The following BTRC variants were observed in gnomAD, a reference collection of about 807,000 sequenced individuals.
BTRC encodes the protein F-box/WD repeat-containing protein 1A.
BTRC carries 42 observed loss-of-function variants against 85.5 expected under a neutral mutation model. The observed-to-expected ratio is 0.49, with a 90% CI of 0.38 to 0.64. BTRC has a LOEUF of 0.64. BTRC is among the 30% of genes least tolerant of loss of function. BTRC has a pLI of 0.00. For synonymous variants in BTRC, 255 were observed against 263.3 expected (o/e 0.97, Z 0.30); for missense variants, 594 against 743.5 (o/e 0.80, Z 2.34).
At chr10:101,363,372 G>A (rs953488052) in intron 1 of BTRC, among the ~76,000 whole-genome samples, 1 of 152,154 alleles carries the variant, frequency 6.6e-6, no homozygotes, top group Non-Finnish European at 1.5e-5. Flanking sequence ...CTTAATATCT[G>A]TTAAGGCACA....
chr10:101,544,148 A>G (rs2134455310), intron 13 of BTRC, among the ~76,000 whole-genome samples: 1 of 152,260 alleles, frequency 6.6e-6, no homozygotes, highest in Non-Finnish European at 1.5e-5. Flanking sequence ...TGACCTCGTG[A>G]TCCGCCCGCC....
chr10:101,417,788 T>C (rs1339360420), intron 1 of BTRC, among the ~76,000 whole-genome samples: 1 of 152,118 alleles, frequency 6.6e-6, no homozygotes, highest in Non-Finnish European at 1.5e-5. Context: ...ATCTTCCTGC[T>C]CAGTCTCCCA....
At chr10:101,378,828 T>C (rs1942857968) in intron 1 of BTRC, among the ~76,000 whole-genome samples, 1 of 152,084 alleles carries the variant, frequency 6.6e-6, no homozygotes. Flanking sequence ...CAGTTATAAC[T>C]TGTTTCCATG....
intron 1 of BTRC, among the ~76,000 whole-genome samples, chr10:101,397,208 A>G (rs538305139): frequency 4.6e-5 from 7 of 152,238 alleles, no homozygotes; most frequent in Non-Finnish European, 7.3e-5. Context: ...CCTTAAGAAT[A>G]CAATCCTAAA....
chr10:101,454,722 C>T (rs920527634), intron 2 of BTRC, among the ~76,000 whole-genome samples: 2 of 152,132 alleles, frequency 1.3e-5, no homozygotes, highest in Admixed American at 1.3e-4. Flanking sequence ...TTGGAGGTTA[C>T]AAGGAGCTAT....
chr10:101,536,750 G>T, intron 12 of BTRC, 97 bp downstream of exon 12: 2 of 900,362 alleles, frequency 2.2e-6, no homozygotes, highest in Non-Finnish European at 3.4e-6. Flanking sequence ...GTTTCTAAAA[G>T]CTTATAGATT....
At chr10:101,509,570 T>C (rs1227948025) in intron 4 of BTRC, among the ~76,000 whole-genome samples, 3 of 148,850 alleles carry the variant, frequency 2.0e-5, no homozygotes, top group Admixed American at 6.7e-5. Context: ...TTTTTTTTTT[T>C]GAGACAAGGT....
chr10:101,465,493 G>C lies in BTRC; in HGVS notation c.234+3435G>C, dbSNP rs373359440. Among the ~76,000 whole-genome samples the C allele has an allele frequency of 3.3e-5, 5 of 152,054 alleles. No individual in the cohort carries two copies. In the East Asian group the frequency reaches 5.8e-4, roughly 18 times the overall value. On this transcript the variant is annotated intron_variant, in intron 3 of 14. Coordinates refer to ENST00000370187, the MANE Select transcript of BTRC (RefSeq NM_033637.4). Reference sequence around the variant, plus strand: ...CAACTTACCAAAACTCTTAACACAGGGTGAAGCAAAATTTGAATAGCCTGA... The same window carrying C: ...CAACTTACCAAAACTCTTAACACAGCGTGAAGCAAAATTTGAATAGCCTGA...
intron 4 of BTRC, among the ~76,000 whole-genome samples, chr10:101,509,880 G>C (rs1946654914): frequency 6.6e-6 from 1 of 151,622 alleles, no homozygotes; most frequent in Non-Finnish European, 1.5e-5. Context: ...TTTTAAAGAT[G>C]CTTTTGGCCG....
intron 4 of BTRC, among the ~76,000 whole-genome samples, chr10:101,492,037 A>G (rs950561854): frequency 1.6e-4 from 24 of 152,256 alleles, no homozygotes; most frequent in African/African-American, 5.8e-4. Context: ...TAAGGGTGGC[A>G]TAAATTTTTC....
intron 14 of BTRC, among the ~76,000 whole-genome samples, chr10:101,552,056 G>A (rs1010989067): frequency 3.3e-5 from 5 of 151,808 alleles, no homozygotes; most frequent in South Asian, 2.1e-4. Context: ...TTAGACTTCC[G>A]TGTTACTTTG....
chr10:101,457,317 T>A (rs1208423257), intron 2 of BTRC, among the ~76,000 whole-genome samples: 1 of 152,180 alleles, frequency 6.6e-6, no homozygotes, highest in Non-Finnish European at 1.5e-5. Context: ...CTTTAGGTGA[T>A]CCTGGATTAT....
intron 5 of BTRC, among the ~76,000 whole-genome samples, 166 bp from the exon 6 acceptor site, chr10:101,525,847 A>C (rs181286940): frequency 6.8e-4 from 104 of 152,122 alleles, no homozygotes; most frequent in Non-Finnish European, 1.3e-3. Flanking sequence ...AATTATTGAC[A>C]CTCATTTTAC....
chr10:101,385,051 A>G (rs911902102), intron 1 of BTRC, among the ~76,000 whole-genome samples: 5 of 152,082 alleles, frequency 3.3e-5, no homozygotes, highest in African/African-American at 1.2e-4. Context: ...AGCAAGACCC[A>G]TGTCTCTACA....
At chr10:101,498,953 A>G (rs1484508503) in intron 4 of BTRC, among the ~76,000 whole-genome samples, 1 of 151,966 alleles carries the variant, frequency 6.6e-6, no homozygotes, top group Non-Finnish European at 1.5e-5. Flanking sequence ...AGATCATGCC[A>G]TTGCACTCCA....
rs566677714 is a variant in BTRC, at chr10:101,363,616, G to A, written c.48+9388G>A. Reference sequence around the variant, plus strand: ...TGGGACTACAGGTGTGCACCACCACGCCCGGCTAAGTTTTGTATTTTTTAG... The same window carrying A: ...TGGGACTACAGGTGTGCACCACCACACCCGGCTAAGTTTTGTATTTTTTAG... On this transcript the variant is annotated intron_variant, in intron 1 of 14. Transcript: ENST00000370187. Among the ~76,000 whole-genome samples, 8 of 152,094 alleles carry A rather than the reference G, an allele frequency of 5.3e-5. No homozygotes were observed. In the South Asian group the frequency reaches 1.5e-3, roughly 28 times the overall value.
intron 4 of BTRC, among the ~76,000 whole-genome samples, chr10:101,519,039 C>T (rs2062063289): frequency 6.7e-6 from 1 of 148,160 alleles, no homozygotes; most frequent in South Asian, 2.1e-4. Flanking sequence ...ACTGAGTTCT[C>T]ATCTGGAAGC....
intron 4 of BTRC, among the ~76,000 whole-genome samples, chr10:101,499,299 C>T (rs932114509): frequency 2.6e-5 from 4 of 151,758 alleles, no homozygotes; most frequent in African/African-American, 9.7e-5. Flanking sequence ...TGCAGTGGTG[C>T]GATCTGGGCT....
Position 101,531,290 on chromosome 10 carries a change from CTT to C in BTRC, c.801_802del (p.Phe267LeufsTer2), listed in dbSNP as rs754367468. ...CCTGACGGGAATGCTCCTCCCAACT[CTT>C]TTTATAGAGCACTTTATCCTAAAAT... On this transcript the variant is annotated frameshift_variant, in exon 7 of 15. Transcript: ENST00000370187. LOFTEE classifies it high-confidence loss of function. 6.2e-7 allele frequency: 1 copy of C among 1,611,486 alleles called. No homozygotes were observed. The highest frequency in any genetic ancestry group is 8.5e-7 in the Non-Finnish European group (1 of 1,177,656).
Sources: allele counts gnomAD v4.1 joint callset (sites outside exome capture counted in the v4.1 genomes callset), GRCh38; gene constraint gnomAD v4.1.1; transcripts MANE v1.5; gene names NCBI Gene and HGNC (gene_info 2026-07-23, HGNC 2026-07-21).